HMGN5: variants seen among roughly 807,000 people sequenced by gnomAD.
The protein encoded by HMGN5 is high mobility group nucleosome-binding domain-containing protein 5.
HMGN5 carries 4 observed loss-of-function variants against 9.5 expected under a neutral mutation model. That is an observed-to-expected ratio of 0.42 (90% confidence interval 0.21 to 0.96). The LOEUF (loss-of-function observed/expected upper bound fraction) is 0.96. HMGN5 is among the 40% of genes least tolerant of loss of function. The pLI, the probability that HMGN5 is intolerant of heterozygous loss-of-function variation, is 0.30. For synonymous variants in HMGN5, 55 were observed against 57.1 expected (o/e 0.96, Z 0.16); for missense variants, 192 against 187.5 (o/e 1.02, Z -0.14).
chrX:81,153,549 G>GA (rs2075371782), intron 1 of HMGN5, among the ~76,000 whole-genome samples: 1 of 11,748 alleles, frequency 8.5e-5, no homozygotes, highest in Non-Finnish European at 1.5e-4. Context: ...GCGAAACTCT[G>GA]CCTCTCTCTC....
intron 1 of HMGN5, among the ~76,000 whole-genome samples, chrX:81,187,623 C>A (rs184074744): frequency 1.8e-5 from 2 of 111,664 alleles, no homozygotes; most frequent in Admixed American, 9.5e-5. Flanking sequence ...TTGCAGGCAA[C>A]AGATAATTGG....
At chrX:81,151,544 G>T (rs905009440) in intron 1 of HMGN5, among the ~76,000 whole-genome samples, 7 of 110,079 alleles carry the variant, frequency 6.4e-5, no homozygotes, top group South Asian at 3.9e-4. Flanking sequence ...TGGGCAGTAT[G>T]GCCATTTTCA....
intron 1 of HMGN5, among the ~76,000 whole-genome samples, chrX:81,134,501 A>G (rs1041268078): frequency 9.0e-6 from 1 of 111,245 alleles, no homozygotes; most frequent in African/African-American, 3.3e-5. Context: ...AGAATTGTGC[A>G]ACCATCACCA....
intron 1 of HMGN5, among the ~76,000 whole-genome samples, chrX:81,156,481 T>C (rs1056880725): frequency 4.5e-5 from 5 of 112,354 alleles, no homozygotes; most frequent in African/African-American, 1.3e-4. Context: ...AACTTCAAAC[T>C]TGAAGTCGTT....
At position 81,198,444 on chromosome X, in the gene HMGN5, A is replaced by G. The variant is rs1235341209; in HGVS notation, c.-124+3293T>C. Among the ~76,000 whole-genome samples, 23 of 111,160 alleles carry G rather than the reference A, an allele frequency of 2.1e-4. No individual in the cohort carries two copies. In the Admixed American group the frequency reaches 2.2e-3, roughly 11 times the overall value. Reference sequence around the variant, plus strand: ...AACAAAAAAGGAGAATTTTAGGCCAATATCTCTGATGAACATCGATGTGAA... The same window carrying G: ...AACAAAAAAGGAGAATTTTAGGCCAGTATCTCTGATGAACATCGATGTGAA... On this transcript the variant is annotated intron_variant, in intron 1 of 6. Transcript: ENST00000358130.
chrX:81,179,672 T>A (rs1232016250), intron 1 of HMGN5, among the ~76,000 whole-genome samples: 2 of 111,667 alleles, frequency 1.8e-5, no homozygotes, highest in African/African-American at 6.5e-5. Context: ...AAGATACCAA[T>A]GACTTTCTTC....
rs765845832 is a variant in HMGN5 at position 81,140,630 on chromosome X, C to T, written c.-123-18958G>A. Among the ~76,000 whole-genome samples, 8 of 109,316 alleles carry T rather than the reference C, an allele frequency of 7.3e-5. No individual in the cohort carries two copies. In the East Asian group the frequency reaches 2.3e-3, roughly 32 times the overall value. 94.9% of individuals were successfully genotyped at this position (109,316 alleles called of 115,157 possible). A position where few individuals can be genotyped will look rare whatever the true frequency, so the allele number is the denominator to read the frequency against. On this transcript the variant is annotated intron_variant, in intron 1 of 6. Transcript: ENST00000358130. The stretch of plus-strand genomic sequence containing the variant: ...ATTCATTACCCACTAACTGAAAAGC[C>T]CTTTGTCCCTAAACAACCAGTAACG...
In HMGN5 at chrX:81,175,030, C is replaced by G. The variant is rs1417451717; in HGVS notation, c.-124+26707G>C. On this transcript the variant is annotated intron_variant, in intron 1 of 6. Transcript: ENST00000358130. ...TGATCAACAACTATTAGTAATCTTACTAAGAAGAATAAAAGAGAGTTCAGA... is the reference window on the plus strand; with the variant it reads ...TGATCAACAACTATTAGTAATCTTAGTAAGAAGAATAAAAGAGAGTTCAGA... 2.7e-5 allele frequency among the ~76,000 whole-genome samples: 3 copies of G among 110,905 alleles called. No individual in the cohort carries two copies. In the East Asian group the frequency reaches 8.4e-4, roughly 31 times the overall value.
intron 1 of HMGN5, among the ~76,000 whole-genome samples, chrX:81,131,578 A>T (rs1475535206): frequency 9.0e-6 from 1 of 111,645 alleles, no homozygotes; most frequent in African/African-American, 3.3e-5. Flanking sequence ...TAAAATGTTG[A>T]CAAGACTGGC....
intron 1 of HMGN5, among the ~76,000 whole-genome samples, chrX:81,194,248 G>A (rs181904164): frequency 4.5e-5 from 5 of 111,168 alleles, no homozygotes; most frequent in Admixed American, 9.6e-5. Context: ...ACATTTTCAC[G>A]TTCTCAGGGT....
chrX:81,124,180 T>C (rs1569341195), intron 1 of HMGN5, among the ~76,000 whole-genome samples: 1 of 112,299 alleles, frequency 8.9e-6, no homozygotes, highest in Non-Finnish European at 1.9e-5. Context: ...ATTGAAAAAA[T>C]AGTCATGCAT....
At chrX:81,157,974 G>A (rs2075387807) in intron 1 of HMGN5, among the ~76,000 whole-genome samples, 1 of 110,268 alleles carries the variant, frequency 9.1e-6, no homozygotes, top group Non-Finnish European at 1.9e-5. Flanking sequence ...TAGAGACGGG[G>A]CTTCACCATG....
chrX:81,116,064 T>C (rs1207985719), intron 6 of HMGN5, 140 bp downstream of exon 6: 4 of 407,398 alleles, frequency 9.8e-6, no homozygotes, highest in East Asian at 4.1e-5. Context: ...TTTATTTTCC[T>C]CTTAGATACC....
chrX:81,117,869 A>G (rs902120026), intron 5 of HMGN5, among the ~76,000 whole-genome samples: 1 of 110,862 alleles, frequency 9.0e-6, no homozygotes, highest in Admixed American at 9.7e-5. Flanking sequence ...CAATATTCTT[A>G]TGTATTAAGC....
chrX:81,199,877 G>A (rs1437186132), intron 1 of HMGN5, among the ~76,000 whole-genome samples: 1 of 112,060 alleles, frequency 8.9e-6, no homozygotes, highest in African/African-American at 3.2e-5. Context: ...ATAGACAAAT[G>A]GGATCTAGTT....
rs1305886287 is a variant in HMGN5 at position 81,157,131 on chromosome X, C to T, written c.-123-35459G>A. Among the ~76,000 whole-genome samples, 4 of 111,488 alleles carry T rather than the reference C, an allele frequency of 3.6e-5. No individual in the cohort carries two copies. In the East Asian group the frequency reaches 1.1e-3, roughly 31 times the overall value. ...TCTGCTGGACCATTATTAAGTTTCC[C>T]ATTGCCTTGAAATCTGCCAGTGTGT... On this transcript the variant is annotated intron_variant, in intron 1 of 6. Coordinates refer to ENST00000358130, the MANE Select transcript of HMGN5 (RefSeq NM_030763.3).
At chrX:81,163,613 C>T (rs1049912885) in intron 1 of HMGN5, among the ~76,000 whole-genome samples, 1 of 111,800 alleles carries the variant, frequency 8.9e-6, no homozygotes, top group Non-Finnish European at 1.9e-5. Context: ...AGAGATGTAT[C>T]TATGGAATAT....
intron 1 of HMGN5, among the ~76,000 whole-genome samples, chrX:81,166,273 C>T (rs2075411026): frequency 9.0e-6 from 1 of 111,491 alleles, no homozygotes; most frequent in African/African-American, 3.3e-5. Context: ...CCAAATTCTT[C>T]TTTCCATATA....
At chrX:81,134,084 A>T (rs1026280033) in intron 1 of HMGN5, among the ~76,000 whole-genome samples, 1 of 111,643 alleles carries the variant, frequency 9.0e-6, no homozygotes, top group African/African-American at 3.2e-5. Flanking sequence ...GAATACATTT[A>T]GATCTAGCAA....
Sources: allele counts gnomAD v4.1 joint callset (sites outside exome capture counted in the v4.1 genomes callset), GRCh38; gene constraint gnomAD v4.1.1; transcripts MANE v1.5; gene names NCBI Gene and HGNC (gene_info 2026-07-23, HGNC 2026-07-21).